The following GRXCR2 variants were observed in gnomAD, a reference collection of about 807,000 sequenced individuals.
GRXCR2 encodes the protein glutaredoxin domain-containing cysteine-rich protein 2.
GRXCR2 carries 23 observed loss-of-function variants against 24.8 expected under a neutral mutation model. The ratio of observed to expected loss-of-function variants is 0.93; its 90% CI spans 0.67 to 1.32. The LOEUF (loss-of-function observed/expected upper bound fraction) is 1.32, where lower values mean the gene tolerates loss of function less well. Ranked by LOEUF, GRXCR2 falls within the 40% of genes most tolerant of loss-of-function variation. The probability of loss-of-function intolerance (pLI) is 0.00; values close to 1 mark genes in which losing one functional copy is unlikely to be tolerated. For missense variants in GRXCR2, 315 were observed against 303.4 expected, an observed-to-expected ratio of 1.04 and a Z score of -0.28; for synonymous variants, 130 against 116.1, an observed-to-expected ratio of 1.12 and a Z score of -0.77.
intron 2 of GRXCR2, among the ~76,000 whole-genome samples, chr5:145,893,328 A>T (rs1756898636): frequency 6.6e-6 from 1 of 152,202 alleles, no homozygotes; most frequent in Admixed American, 6.5e-5. Flanking sequence ...ATTAAAAGAC[A>T]CAGAATGGCA....
chr5:145,909,497 C>A (rs73308191), intron 2 of GRXCR2, among the ~76,000 whole-genome samples: 1 of 152,180 alleles, frequency 6.6e-6, no homozygotes, highest in African/African-American at 2.4e-5. Flanking sequence ...GAAGACTTTC[C>A]TGACCATCAA....
chr5:145,859,613 G>A lies in GRXCR2; in HGVS notation c.*120C>T, dbSNP rs907577693. On this transcript the variant is annotated 3_prime_UTR_variant, in exon 3 of 3. Coordinates refer to ENST00000377976, the MANE Select transcript of GRXCR2 (RefSeq NM_001080516.2). ...AGATAATTGAGTTTTGCCAGCAGTG[G>A]GAGTGACTGCAGCCACTGTGGCCTC... The A allele has an allele frequency of 1.7e-5, 14 of 832,986 alleles. No individual in the cohort carries two copies. The highest frequency in any genetic ancestry group is 3.3e-5 in the South Asian group (2 of 61,458). The allele number at this position is 832,986 out of a possible 1,614,324, so 51.6% of individuals were successfully genotyped here.
intron 2 of GRXCR2, among the ~76,000 whole-genome samples, chr5:145,865,496 TATTAACA>T (rs1281708882): frequency 6.6e-6 from 1 of 152,172 alleles, no homozygotes; most frequent in African/African-American, 2.4e-5. Flanking sequence ...TATTAAGCTT[TATTAACA>T]TTTTTAAAAG....
chr5:145,882,124 A>T (rs1052501600), intron 2 of GRXCR2, among the ~76,000 whole-genome samples: 4 of 152,202 alleles, frequency 2.6e-5, no homozygotes, highest in Non-Finnish European at 5.9e-5. Context: ...GGACTTCATG[A>T]CTAAAACACC....
intron 2 of GRXCR2, among the ~76,000 whole-genome samples, chr5:145,865,294 C>T (rs11167913): frequency 0.35 from 52,444 of 151,882 alleles, 9,546 homozygotes; most frequent in East Asian, 0.66. Context: ...TTTAATCTTT[C>T]GGCTTAAATG....
At chr5:145,910,456 TGA>T (rs1431376336) in intron 2 of GRXCR2, among the ~76,000 whole-genome samples, 12 of 152,142 alleles carry the variant, frequency 7.9e-5, no homozygotes, top group African/African-American at 2.7e-4. Context: ...ATAAAAATAA[TGA>T]GAGCATTAAT....
chr5:145,876,200 T>C (rs1224101301), upstream of GRXCR2, among the ~76,000 whole-genome samples: 8 of 134,740 alleles, frequency 5.9e-5, no homozygotes, highest in South Asian at 2.2e-4. Context: ...TGTATATATA[T>C]ATATATATAT....
At chr5:145,911,063 T>C (rs930067976) in intron 2 of GRXCR2, among the ~76,000 whole-genome samples, 1 of 152,192 alleles carries the variant, frequency 6.6e-6, no homozygotes, top group African/African-American at 2.4e-5. Flanking sequence ...GGGGTTATAT[T>C]ATTTTTATTG....
Position 145,859,725 on chromosome 5 carries a change from G to A in GRXCR2, c.*8C>T. ...GTAAGATAACAGTGGACATGCAAAA[G>A]CCACGGGCTATTGATTGCAAATCTG... On this transcript the variant is annotated 3_prime_UTR_variant, in exon 3 of 3. Coordinates refer to ENST00000377976, the MANE Select transcript of GRXCR2 (RefSeq NM_001080516.2). 6.2e-7 allele frequency: 1 copy of A among 1,613,972 alleles called. No homozygotes were observed. The highest frequency in any genetic ancestry group is 1.1e-5 in the South Asian group (1 of 91,072).
At chr5:145,900,199 C>T (rs1008570711) in intron 2 of GRXCR2, among the ~76,000 whole-genome samples, 7 of 151,920 alleles carry the variant, frequency 4.6e-5, no homozygotes, top group Admixed American at 1.3e-4. Context: ...ATCATGGGGG[C>T]GGATTTCCCT....
chr5:145,892,433 C>T lies in GRXCR2; in HGVS notation c.-69-25705G>A, dbSNP rs1186204037. ...CTAGAATAACCAATGCAGAGAAGTCCTTAAAGGACCTGATGGAGCTGAAAA... is the reference window on the plus strand; with the variant it reads ...CTAGAATAACCAATGCAGAGAAGTCTTTAAAGGACCTGATGGAGCTGAAAA... On this transcript the variant is annotated intron_variant, in intron 2 of 3. Transcript: ENST00000639411. Among the ~76,000 whole-genome samples the T allele has an allele frequency of 2.0e-5, 3 of 152,028 alleles. No homozygotes were observed. In the East Asian group the frequency reaches 5.8e-4, roughly 29 times the overall value.
downstream of GRXCR2, among the ~76,000 whole-genome samples, chr5:145,857,834 C>G (rs543465570): frequency 9.6e-4 from 146 of 152,250 alleles, 2 homozygotes; most frequent in African/African-American, 3.3e-3. Context: ...ATTATCCTAT[C>G]CCAGCACTTG....
chr5:145,928,915 T>A (rs1435208393), intron 2 of GRXCR2, among the ~76,000 whole-genome samples: 3 of 151,542 alleles, frequency 2.0e-5, no homozygotes, highest in Non-Finnish European at 4.4e-5. Flanking sequence ...AAAAAAAAAG[T>A]ATTACACTAG....
intron 2 of GRXCR2, among the ~76,000 whole-genome samples, chr5:145,863,068 C>T (rs1424589933): frequency 6.6e-6 from 1 of 152,174 alleles, no homozygotes; most frequent in Non-Finnish European, 1.5e-5. Context: ...CCAAATTTTT[C>T]CCTTTCCACC....
chr5:145,922,603 G>A (rs1757337646), intron 2 of GRXCR2, among the ~76,000 whole-genome samples: 1 of 152,186 alleles, frequency 6.6e-6, no homozygotes, highest in Non-Finnish European at 1.5e-5. Flanking sequence ...AGAATGAATA[G>A]TTATCACCTA....
chr5:145,910,837 A>AGTGTGTGTGTGTGTGTGT (rs59096502), intron 2 of GRXCR2, among the ~76,000 whole-genome samples: 12 of 150,204 alleles, frequency 8.0e-5, no homozygotes, highest in Non-Finnish European at 1.3e-4. Context: ...AACTATGTGA[A>AGTGTGTGTGTGTGTGTGT]GTGTGTGTGT....
At chr5:145,866,243 A>C (rs537199366) in intron 2 of GRXCR2, among the ~76,000 whole-genome samples, 1 of 152,346 alleles carries the variant, frequency 6.6e-6, no homozygotes, top group South Asian at 2.1e-4. Context: ...GAAAACAATA[A>C]ATATTTAATC....
chr5:145,878,265 C>A (rs1756648134), intron 2 of GRXCR2, among the ~76,000 whole-genome samples: 1 of 152,078 alleles, frequency 6.6e-6, no homozygotes, highest in African/African-American at 2.4e-5. Flanking sequence ...AAGGAACATG[C>A]TCAAACCCAT....
chr5:145,914,211 T>A (rs1249510953), intron 2 of GRXCR2, among the ~76,000 whole-genome samples: 1 of 152,060 alleles, frequency 6.6e-6, no homozygotes, highest in Non-Finnish European at 1.5e-5. Context: ...GGAAACCAAG[T>A]TTCAGGGCAA....
Sources: allele counts gnomAD v4.1 joint callset (sites outside exome capture counted in the v4.1 genomes callset), GRCh38; gene constraint gnomAD v4.1.1; transcripts MANE v1.5; gene names NCBI Gene and HGNC (gene_info 2026-07-23, HGNC 2026-07-21).